NEDD4L: variants seen among roughly 807,000 people sequenced by gnomAD.
NEDD4L encodes E3 ubiquitin-protein ligase NEDD4-like.
In NEDD4L, 54 loss-of-function variants were observed where a neutral mutation model predicts 148.9. The ratio of observed to expected loss-of-function variants is 0.36; its 90% CI spans 0.29 to 0.45. The LOEUF (loss-of-function observed/expected upper bound fraction) is 0.45. Ranked by LOEUF, NEDD4L falls within the 20% of genes least tolerant of loss-of-function variation. The pLI is 1.00. For missense variants in NEDD4L, 856 were observed against 1,233.8 expected, an observed-to-expected ratio of 0.69 and a Z score of 4.59; for synonymous variants, 433 against 440.7, an observed-to-expected ratio of 0.98 and a Z score of 0.22.
chr18:58,073,409 A>T (rs765343450), intron 1 of NEDD4L, among the ~76,000 whole-genome samples: 8 of 152,234 alleles, frequency 5.3e-5, no homozygotes, highest in Non-Finnish European at 5.9e-5. Flanking sequence ...ATAGAGATCC[A>T]TGGAATTGAA....
intron 5 of NEDD4L, among the ~76,000 whole-genome samples, chr18:58,306,962 T>C (rs888261411): frequency 5.9e-5 from 9 of 152,210 alleles, no homozygotes; most frequent in African/African-American, 2.2e-4. Flanking sequence ...ATAGCAGTGT[T>C]TGGCACATGA....
At chr18:58,216,382 G>A (rs2043160176) in intron 2 of NEDD4L, among the ~76,000 whole-genome samples, 1 of 152,156 alleles carries the variant, frequency 6.6e-6, no homozygotes, top group Non-Finnish European at 1.5e-5. Flanking sequence ...TAGTAAGTCA[G>A]CCTGGAGAGT....
chr18:58,044,930 C>T (rs963423873), intron 1 of NEDD4L: 2 of 477,882 alleles, frequency 4.2e-6, no homozygotes, highest in South Asian at 4.2e-5. Context: ...AGCGGCGCGA[C>T]GCCCTTGGAG....
Position 58,117,427 on chromosome 18 carries a change from G to T in NEDD4L, c.49-48361G>T, listed in dbSNP as rs571506861. Reference sequence around the variant, plus strand: ...TTAATCTTTATTTACGGGAATAAATGGGAAGCAGTCAGCCATTTTTTATTC... The same window carrying T: ...TTAATCTTTATTTACGGGAATAAATTGGAAGCAGTCAGCCATTTTTTATTC... On this transcript the variant is annotated intron_variant, in intron 1 of 30. Coordinates refer to ENST00000400345, the MANE Select transcript of NEDD4L (RefSeq NM_001144967.3). Among the ~76,000 whole-genome samples, 4 of 152,306 alleles carry T rather than the reference G, an allele frequency of 2.6e-5. No individual in the cohort carries two copies. In the East Asian group the frequency reaches 5.8e-4, roughly 22 times the overall value.
intron 1 of NEDD4L, chr18:58,149,526 A>G: frequency 2.6e-6 from 4 of 1,551,276 alleles, no homozygotes; most frequent in Non-Finnish European, 8.7e-7. Context: ...TTAATATTGT[A>G]TTCTCCTAAA....
At chr18:58,062,434 G>C (rs558066493) in intron 1 of NEDD4L, among the ~76,000 whole-genome samples, 2 of 152,262 alleles carry the variant, frequency 1.3e-5, no homozygotes, top group Non-Finnish European at 2.9e-5. Flanking sequence ...GAGCAAACAG[G>C]GCCTCAAGTT....
At chr18:58,164,214 T>C (rs1259355555) in intron 1 of NEDD4L, among the ~76,000 whole-genome samples, 1 of 152,024 alleles carries the variant, frequency 6.6e-6, no homozygotes. Context: ...TCTAGCTAGC[T>C]AGCTGTTCCA....
chr18:58,126,883 G>A (rs1337500103), intron 1 of NEDD4L, among the ~76,000 whole-genome samples: 1 of 152,198 alleles, frequency 6.6e-6, no homozygotes, highest in African/African-American at 2.4e-5. Flanking sequence ...CTCTCACTCT[G>A]CCTTGGCACC....
At chr18:58,342,472 T>C (rs2042559623) in intron 15 of NEDD4L, among the ~76,000 whole-genome samples, 1 of 152,236 alleles carries the variant, frequency 6.6e-6, no homozygotes, top group Admixed American at 6.5e-5. Context: ...CACACTCTGA[T>C]ATGAATGTCA....
intron 24 of NEDD4L, among the ~76,000 whole-genome samples, chr18:58,377,325 G>A (rs775416302): frequency 3.3e-5 from 5 of 152,194 alleles, no homozygotes; most frequent in African/African-American, 4.8e-5. Flanking sequence ...TCCACAGTGG[G>A]GCAAAGCAAG....
At chr18:58,287,327 A>G (rs2054078071) in intron 5 of NEDD4L, among the ~76,000 whole-genome samples, 1 of 152,204 alleles carries the variant, frequency 6.6e-6, no homozygotes, top group African/African-American at 2.4e-5. Context: ...CATGTTGTTC[A>G]ATAATTGTAG....
At chr18:58,249,771 A>G (rs550951628) in intron 4 of NEDD4L, among the ~76,000 whole-genome samples, 55 of 152,354 alleles carry the variant, frequency 3.6e-4, no homozygotes, top group South Asian at 2.5e-3. Flanking sequence ...TCTCAATCGC[A>G]ATAGTATTTT....
intron 2 of NEDD4L, among the ~76,000 whole-genome samples, chr18:58,215,748 G>A (rs1045555916): frequency 6.6e-6 from 1 of 152,112 alleles, no homozygotes; most frequent in Admixed American, 6.5e-5. Flanking sequence ...ACAACAGAAA[G>A]AACATCAGTC....
chr18:58,276,212 T>TTTTTGGGGGG (rs1555782967), intron 5 of NEDD4L, among the ~76,000 whole-genome samples: 1 of 103,448 alleles, frequency 9.7e-6, no homozygotes, highest in Non-Finnish European at 2.1e-5. Flanking sequence ...TTTTTTTTTT[T>TTTTTGGGGGG]GGGTGGGGAG....
chr18:58,184,927 CAAA>C (rs1001191802), intron 2 of NEDD4L, among the ~76,000 whole-genome samples: 1 of 140,200 alleles, frequency 7.1e-6, no homozygotes, highest in Non-Finnish European at 1.6e-5. Flanking sequence ...GACTCCATCT[CAAA>C]AAAAAAAAAG....
intron 1 of NEDD4L, among the ~76,000 whole-genome samples, chr18:58,053,011 G>A (rs951358470): frequency 7.9e-5 from 12 of 152,138 alleles, no homozygotes; most frequent in Non-Finnish European, 2.9e-5. Context: ...GGTGGAACTT[G>A]GAAAGGCTTG....
At chr18:58,247,514 T>C (rs1167472960) in intron 3 of NEDD4L, 3 of 152,206 alleles carry the variant, frequency 2.0e-5, no homozygotes, top group Non-Finnish European at 4.4e-5. Flanking sequence ...ACTGGGGCTA[T>C]TGCAATGGAT....
intron 1 of NEDD4L, among the ~76,000 whole-genome samples, chr18:58,075,382 A>G (rs1437051759): frequency 6.6e-6 from 1 of 152,018 alleles, no homozygotes; most frequent in Non-Finnish European, 1.5e-5. Flanking sequence ...CGAACTCCTG[A>G]CCTTGTGATC....
Position 58,389,069 on chromosome 18 carries a change from TA to T in NEDD4L, c.2548-13del, listed in dbSNP as rs1227038486. 1 of 1,605,840 alleles carries T rather than the reference TA, an allele frequency of 6.2e-7. No individual in the cohort carries two copies. The highest frequency in any genetic ancestry group is 8.5e-7 in the Non-Finnish European group (1 of 1,172,812). ...TTTCACATCCTGCTTTTACATCTGGTAAATTTTCTTCCTAGTTGCTCATGTG... is the reference window on the plus strand; with the variant it reads ...TTTCACATCCTGCTTTTACATCTGGTAATTTTCTTCCTAGTTGCTCATGTG... On this transcript the variant is annotated splice_polypyrimidine_tract_variant and intron_variant, in intron 27 of 30. Transcript: ENST00000400345.
Sources: allele counts gnomAD v4.1 joint callset (sites outside exome capture counted in the v4.1 genomes callset), GRCh38; gene constraint gnomAD v4.1.1; transcripts MANE v1.5; gene names NCBI Gene and HGNC (gene_info 2026-07-23, HGNC 2026-07-21).